Variants in NOTCH2NLB observed in about 807,000 individuals in gnomAD.
NOTCH2NLB encodes notch homolog 2 N-terminal-like protein B.
A neutral mutation model predicts 14.8 loss-of-function variants in NOTCH2NLB; 1 was observed. The ratio of observed to expected loss-of-function variants is 0.07; its 90% CI spans 0.02 to 0.32. NOTCH2NLB has a LOEUF of 0.32. Ranked by LOEUF, NOTCH2NLB falls within the 10% of genes least tolerant of loss-of-function variation. The probability of loss-of-function intolerance (pLI) is 1.00; values close to 1 mark genes in which losing one functional copy is unlikely to be tolerated. For synonymous variants in NOTCH2NLB, 6 were observed against 57.5 expected (o/e 0.10, Z 4.05); for missense variants, 11 against 155.0 (o/e 0.07, Z 4.93).
At chr1:148,637,764 C>T (rs1249102170) in intron 2 of NOTCH2NLB, among the ~76,000 whole-genome samples, 10 of 136,030 alleles carry the variant, frequency 7.4e-5, no homozygotes, top group East Asian at 6.3e-4. Context: ...CCTGACAGGC[C>T]CCAGTGTGTG....
chr1:148,615,006 G>A (rs1379033782), intron 3 of NOTCH2NLB, among the ~76,000 whole-genome samples: 5 of 27,082 alleles, frequency 1.8e-4, no homozygotes, highest in Non-Finnish European at 4.6e-4. Flanking sequence ...AACCAGAAAA[G>A]CCAGTGCCCT....
At chr1:148,700,809 C>G in the NOTCH2NLB span, among the ~76,000 whole-genome samples, 1 of 10,202 alleles carries the variant, frequency 9.8e-5, no homozygotes, top group South Asian at 7.5e-3. Flanking sequence ...AATATTCTTC[C>G]ATTCTGTAAA....
chr1:148,649,677 A>T (rs1370938775), intron 1 of NOTCH2NLB, among the ~76,000 whole-genome samples: 7 of 151,268 alleles, frequency 4.6e-5, no homozygotes, highest in African/African-American at 1.7e-4. Context: ...CAACCGGCTA[A>T]TTTTTTTTGT....
downstream of NOTCH2NLB, among the ~76,000 whole-genome samples, chr1:148,605,476 G>A (rs1290639935): frequency 7.0e-6 from 1 of 143,430 alleles, no homozygotes; most frequent in Non-Finnish European, 1.5e-5. Flanking sequence ...TAAGTGTCTT[G>A]CGTTAAACTA....
intron 1 of NOTCH2NLB, among the ~76,000 whole-genome samples, chr1:148,660,533 T>C (rs1339709655): frequency 1.4e-5 from 2 of 146,780 alleles, no homozygotes; most frequent in African/African-American, 5.0e-5. Flanking sequence ...TTAGATCTCA[T>C]GGGGTCTCTG....
At chr1:148,637,093 C>G (rs1248810863) in intron 2 of NOTCH2NLB, among the ~76,000 whole-genome samples, 1 of 127,116 alleles carries the variant, frequency 7.9e-6, no homozygotes, top group Non-Finnish European at 1.6e-5. Context: ...TTTGGAGACA[C>G]AGTCTCGCTC....
intron 1 of NOTCH2NLB, among the ~76,000 whole-genome samples, chr1:148,651,161 A>T (rs1450591552): frequency 4.9e-5 from 2 of 40,514 alleles, no homozygotes; most frequent in Non-Finnish European, 1.2e-4. Flanking sequence ...AAAAAAAAAA[A>T]AATATATATA....
intron 1 of NOTCH2NLB, among the ~76,000 whole-genome samples, chr1:148,651,142 G>GAAA (rs1664492456): frequency 2.9e-5 from 1 of 34,068 alleles, no homozygotes; most frequent in Non-Finnish European, 4.9e-5. Context: ...GACTCTGCCT[G>GAAA]AGAAAAAAAA....
At chr1:148,670,491 G>A (rs1664739882) in intron 1 of NOTCH2NLB, among the ~76,000 whole-genome samples, 1 of 138,114 alleles carries the variant, frequency 7.2e-6, no homozygotes, top group Admixed American at 7.1e-5. Flanking sequence ...TATATTATGT[G>A]TGTGTGCATA....
In NOTCH2NLB at chr1:148,638,603, T is replaced by G. The variant is rs1227563478; in HGVS notation, c.77+1413A>C. On this transcript the variant is annotated intron_variant, in intron 2 of 4. Coordinates refer to ENST00000593495, the Ensembl canonical transcript of NOTCH2NLB. The stretch of plus-strand genomic sequence containing the variant: ...GAAAAACTAAATGAGCAGCCCATAA[T>G]AAGCTACATAAAACCTTTATTTCCA... Among the ~76,000 whole-genome samples the G allele has an allele frequency of 1.3e-5, 2 of 149,374 alleles. 1 individual carries two copies. The highest frequency in any genetic ancestry group is 5.0e-5 in the African/African-American group (2 of 39,992).
chr1:148,680,944 C>G (rs1449487051), upstream of NOTCH2NLB, among the ~76,000 whole-genome samples: 3 of 152,262 alleles, frequency 2.0e-5, no homozygotes, highest in African/African-American at 7.2e-5. Context: ...GGAAAGAGCC[C>G]TCGTGAAAGC....
At chr1:148,693,056 C>T in the NOTCH2NLB span, among the ~76,000 whole-genome samples, 2 of 128,800 alleles carry the variant, frequency 1.6e-5, no homozygotes, top group Admixed American at 7.6e-5. Context: ...AGGAATACTG[C>T]GGGATTCTCT....
At chr1:148,694,460 T>TTTGTTG in the NOTCH2NLB span, among the ~76,000 whole-genome samples, 2 of 85,744 alleles carry the variant, frequency 2.3e-5, no homozygotes, top group African/African-American at 7.0e-5. Context: ...TGTTGTGGGT[T>TTTGTTG]TTGTTGTTGT....
chr1:148,627,672 C>T (rs1664013533), intron 2 of NOTCH2NLB, among the ~76,000 whole-genome samples: 2 of 151,922 alleles, frequency 1.3e-5, no homozygotes, highest in African/African-American at 4.8e-5. Flanking sequence ...CCTAAAATTT[C>T]ATTGTCTCAA....
intron 1 of NOTCH2NLB, among the ~76,000 whole-genome samples, chr1:148,670,534 A>ATAT (rs1417813745): frequency 1.9e-5 from 1 of 53,346 alleles, no homozygotes; most frequent in Non-Finnish European, 3.3e-5. Context: ...TAAACTAAAA[A>ATAT]AAAAAATATA....
chr1:148,670,543 T>A (rs1317740616), intron 1 of NOTCH2NLB, among the ~76,000 whole-genome samples: 1,836 of 85,716 alleles, frequency 0.021, 16 homozygotes, highest in African/African-American at 0.076. Flanking sequence ...AAAAAAAATA[T>A]ATATATATAC....
intron 3 of NOTCH2NLB, among the ~76,000 whole-genome samples, chr1:148,615,169 C>CT (rs1184128451): frequency 7.1e-6 from 1 of 140,774 alleles, no homozygotes; most frequent in Admixed American, 7.0e-5. Context: ...GGGTCTCACT[C>CT]TGTCACCCAG....
At chr1:148,638,738 G>A (rs1664273605) in intron 2 of NOTCH2NLB, among the ~76,000 whole-genome samples, 1 of 149,154 alleles carries the variant, frequency 6.7e-6, no homozygotes, top group African/African-American at 2.5e-5. Context: ...AAAAAATCTT[G>A]TTTATAACAT....
chr1:148,680,736 AT>A (rs1232326512), upstream of NOTCH2NLB, among the ~76,000 whole-genome samples: 12 of 146,400 alleles, frequency 8.2e-5, no homozygotes, highest in African/African-American at 2.0e-4. Context: ...ATTTATGTAT[AT>A]TTTTTTCAAG....
Sources: allele counts gnomAD v4.1 joint callset (sites outside exome capture counted in the v4.1 genomes callset), GRCh38; gene constraint gnomAD v4.1.1; transcripts MANE v1.5; gene names NCBI Gene and HGNC (gene_info 2026-07-23, HGNC 2026-07-21).